Variants in FHIT observed in about 807,000 individuals in gnomAD.
The protein encoded by FHIT is fragile histidine triad diadenosine triphosphatase.
A neutral mutation model predicts 17.9 loss-of-function variants in FHIT; 19 were observed. The observed-to-expected ratio is 1.06, with a 90% confidence interval of 0.74 to 1.56. The LOEUF is 1.56. Ranked by LOEUF, FHIT falls within the 40% of genes most tolerant of loss-of-function variation. FHIT has a pLI of 0.00. For synonymous variants in FHIT, 81 were observed against 69.7 expected (o/e 1.16, Z -0.81); for missense variants, 248 against 189.2 (o/e 1.31, Z -1.82).
At chr3:60,132,786 G>A (rs569500219) in intron 5 of FHIT, among the ~76,000 whole-genome samples, 2 of 152,090 alleles carry the variant, frequency 1.3e-5, no homozygotes, top group African/African-American at 4.8e-5. Flanking sequence ...AGGTAAATAA[G>A]GTAAAATGCC....
intron 8 of FHIT, among the ~76,000 whole-genome samples, chr3:59,833,676 T>A (rs913672230): frequency 2.6e-5 from 4 of 152,222 alleles, no homozygotes; most frequent in African/African-American, 9.6e-5. Flanking sequence ...GGAAAACTTC[T>A]GATGGAAATC....
intron 5 of FHIT, among the ~76,000 whole-genome samples, chr3:60,262,453 T>C (rs903987197): frequency 4.6e-5 from 7 of 151,888 alleles, no homozygotes; most frequent in Non-Finnish European, 1.0e-4. Context: ...AGGCAAAACA[T>C]CCCCACCCTT....
intron 2 of FHIT, among the ~76,000 whole-genome samples, chr3:61,085,302 G>A (rs2035270722): frequency 6.6e-6 from 1 of 152,060 alleles, no homozygotes. Context: ...ATCTTCACCA[G>A]CACTTCTTAT....
chr3:59,761,242 A>G (rs1401877769), intron 8 of FHIT, among the ~76,000 whole-genome samples: 1 of 152,228 alleles, frequency 6.6e-6, no homozygotes, highest in Non-Finnish European at 1.5e-5. Context: ...CTTTTCAAGT[A>G]ATAGTAAGCC....
At chr3:60,256,200 A>T (rs1705984498) in intron 5 of FHIT, among the ~76,000 whole-genome samples, 1 of 152,162 alleles carries the variant, frequency 6.6e-6, no homozygotes, top group Admixed American at 6.5e-5. Flanking sequence ...GCCTCTTAAA[A>T]GTCATTAGTA....
chr3:59,978,303 T>C (rs935312304), intron 7 of FHIT, among the ~76,000 whole-genome samples: 21 of 152,116 alleles, frequency 1.4e-4, no homozygotes, highest in Non-Finnish European at 7.4e-5. Context: ...AAAGCCGTGC[T>C]GAGAGGGCCA....
chr3:59,975,164 C>T (rs1708353716), intron 7 of FHIT, among the ~76,000 whole-genome samples: 1 of 152,090 alleles, frequency 6.6e-6, no homozygotes, highest in African/African-American at 2.4e-5. Flanking sequence ...AGATTATTTG[C>T]TGGCAAATGA....
intron 8 of FHIT, among the ~76,000 whole-genome samples, chr3:59,897,536 C>G (rs1461007434): frequency 3.9e-5 from 6 of 152,200 alleles, no homozygotes; most frequent in African/African-American, 1.4e-4. Context: ...TCTAAATACT[C>G]AGTTCCGTGC....
chr3:60,930,520 A>G (rs1386527085), intron 3 of FHIT, among the ~76,000 whole-genome samples: 1 of 152,082 alleles, frequency 6.6e-6, no homozygotes, highest in Non-Finnish European at 1.5e-5. Context: ...GATTTACAAG[A>G]AAAAACAAAC....
intron 4 of FHIT, among the ~76,000 whole-genome samples, chr3:60,734,342 T>C (rs1392989269): frequency 6.6e-6 from 1 of 152,226 alleles, no homozygotes; most frequent in African/African-American, 2.4e-5. Context: ...CAATTTATTA[T>C]TCAAAAGCCA....
At chr3:60,044,775 T>C (rs999324272) in intron 5 of FHIT, among the ~76,000 whole-genome samples, 1 of 152,092 alleles carries the variant, frequency 6.6e-6, no homozygotes, top group African/African-American at 2.4e-5. Flanking sequence ...AACAGAAGTG[T>C]CTATCTTAGG....
In FHIT at chr3:61,099,172, GAT is replaced by G. The variant is rs542301505; in HGVS notation, c.-163-57075_-163-57074del. ...CAAAAGCCTTTTCTACATCTATTGA[GAT>G]AATCATGCAGTTTTTGTCTTTAGTT... On this transcript the variant is annotated intron_variant, in intron 2 of 9. Transcript: ENST00000492590. Among the ~76,000 whole-genome samples, 433 of 152,258 alleles carry G rather than the reference GAT, an allele frequency of 2.8e-3. 6 individuals carry two copies. The highest frequency in any genetic ancestry group is 0.01 in the African/African-American group (422 of 41,550).
intron 2 of FHIT, among the ~76,000 whole-genome samples, chr3:61,162,606 T>A (rs1286528050): frequency 1.3e-5 from 2 of 152,164 alleles, no homozygotes; most frequent in East Asian, 3.9e-4. Flanking sequence ...AGGAAAAAAA[T>A]TGTGCTTCAG....
chr3:60,314,231 T>C (rs911101108), intron 5 of FHIT, among the ~76,000 whole-genome samples: 3 of 148,964 alleles, frequency 2.0e-5, no homozygotes, highest in Admixed American at 6.7e-5. Context: ...TGGTAGATGA[T>C]TAATAAGAGA....
At chr3:60,539,250 C>G (rs1298094127) in intron 4 of FHIT, among the ~76,000 whole-genome samples, 1 of 152,212 alleles carries the variant, frequency 6.6e-6, no homozygotes, top group Admixed American at 6.5e-5. Context: ...GAGATACAAT[C>G]TCACACCAGC....
intron 3 of FHIT, among the ~76,000 whole-genome samples, chr3:60,983,733 A>C (rs1176397059): frequency 6.6e-6 from 1 of 152,166 alleles, no homozygotes; most frequent in Admixed American, 6.5e-5. Context: ...TGACTGTCCA[A>C]ATGTAGTGTT....
At chr3:60,011,221 G>A (rs911228101) in intron 7 of FHIT, 150 bp downstream of exon 7, 3 of 658,860 alleles carry the variant, frequency 4.6e-6, no homozygotes, top group East Asian at 2.7e-5. Flanking sequence ...AGTTTATAAT[G>A]TCAGGATTTA....
intron 4 of FHIT, among the ~76,000 whole-genome samples, chr3:60,578,385 C>T (rs1181790536): frequency 2.0e-5 from 3 of 149,632 alleles, no homozygotes; most frequent in Admixed American, 6.7e-5. Flanking sequence ...TGCAGTGAGC[C>T]GAGATCTCAC....
chr3:60,697,184 T>A (rs1055094591), intron 4 of FHIT, among the ~76,000 whole-genome samples: 1 of 152,138 alleles, frequency 6.6e-6, no homozygotes, highest in Non-Finnish European at 1.5e-5. Flanking sequence ...GAACTTACAG[T>A]GATTGCAAGT....
Sources: gnomAD v4.1 joint callset for allele counts (sites outside exome capture counted in the v4.1 genomes callset) on GRCh38, gnomAD v4.1.1 for gene constraint, MANE v1.5 for transcripts, NCBI Gene and HGNC (gene_info 2026-07-23, HGNC 2026-07-21) for gene names.